The following THSD7A variants were observed in gnomAD, a reference collection of about 807,000 sequenced individuals.
THSD7A encodes the protein thrombospondin type 1 domain containing 7A, also known as thrombospondin type-1 domain-containing protein 7A.
Under a neutral mutation model 231.3 loss-of-function variants are expected in THSD7A, and 96 were observed. That is an observed-to-expected ratio of 0.41 (90% CI 0.35 to 0.49). THSD7A has a LOEUF of 0.49. THSD7A is among the 20% of genes least tolerant of loss of function. The probability of loss-of-function intolerance (pLI) is 0.05; values close to 1 mark genes in which losing one functional copy is unlikely to be tolerated. For missense variants in THSD7A, 2,290 were observed against 2,070.2 expected (o/e 1.11, Z -2.06); for synonymous variants, 940 against 743.3 (o/e 1.26, Z -4.30).
chr7:11,510,641 A>C (rs1206125877), intron 6 of THSD7A, among the ~76,000 whole-genome samples: 4 of 152,220 alleles, frequency 2.6e-5, no homozygotes, highest in Non-Finnish European at 5.9e-5. Context: ...AATAAATGTA[A>C]TCCATCATAT....
chr7:11,705,107 T>C (rs533807923), intron 1 of THSD7A, among the ~76,000 whole-genome samples: 28 of 151,174 alleles, frequency 1.9e-4, no homozygotes, highest in African/African-American at 6.8e-4. Context: ...AAAAGTGCTG[T>C]TGGATTATGG....
chr7:11,556,532 C>T (rs1789853798), intron 4 of THSD7A, among the ~76,000 whole-genome samples: 2 of 151,774 alleles, frequency 1.3e-5, no homozygotes, highest in Admixed American at 6.6e-5. Context: ...GAAGAAAAGC[C>T]TATTGTATTT....
intron 4 of THSD7A, among the ~76,000 whole-genome samples, chr7:11,570,212 T>C (rs1790563596): frequency 1.3e-5 from 2 of 151,330 alleles, no homozygotes. Flanking sequence ...AAAAAGAAAC[T>C]GGAGGTCATT....
intron 1 of THSD7A, among the ~76,000 whole-genome samples, chr7:11,812,350 A>G (rs1171108535): frequency 6.6e-6 from 1 of 152,202 alleles, no homozygotes; most frequent in African/African-American, 2.4e-5. Flanking sequence ...CTGAAACTGA[A>G]TATTTAGTTA....
chr7:11,613,101 G>GTGT (rs1780986842), intron 2 of THSD7A, among the ~76,000 whole-genome samples: 1 of 152,196 alleles, frequency 6.6e-6, no homozygotes, highest in South Asian at 2.1e-4. Context: ...AAATATTTGA[G>GTGT]TGTTAGAGGT....
chr7:11,434,660 C>A (rs1233357860), intron 13 of THSD7A, among the ~76,000 whole-genome samples: 2 of 151,960 alleles, frequency 1.3e-5, no homozygotes, highest in Non-Finnish European at 2.9e-5. Context: ...CTCAAAAAAT[C>A]TCTTCTACTT....
intron 6 of THSD7A, among the ~76,000 whole-genome samples, chr7:11,491,367 C>T (rs1786885345): frequency 6.6e-6 from 1 of 151,992 alleles, no homozygotes; most frequent in Non-Finnish European, 1.5e-5. Flanking sequence ...TCACAGTGAT[C>T]AGTAGGAGTA....
intron 13 of THSD7A, among the ~76,000 whole-genome samples, chr7:11,438,338 A>C (rs1288274398): frequency 6.6e-6 from 1 of 152,030 alleles, no homozygotes; most frequent in Non-Finnish European, 1.5e-5. Context: ...GTTTTTCCTC[A>C]TTTGTAATAT....
chr7:11,442,473 G>A (rs1257018393), intron 13 of THSD7A, among the ~76,000 whole-genome samples: 2 of 151,988 alleles, frequency 1.3e-5, no homozygotes, highest in Admixed American at 6.6e-5. Context: ...CTGCACACAC[G>A]GGGATCAATT....
chr7:11,425,195 T>G (rs1042400667), intron 15 of THSD7A, among the ~76,000 whole-genome samples: 1 of 152,188 alleles, frequency 6.6e-6, no homozygotes, highest in Non-Finnish European at 1.5e-5. Flanking sequence ...GCTCACATGT[T>G]AGGTACTCAA....
chr7:11,820,142 G>C (rs1238816395), intron 1 of THSD7A, among the ~76,000 whole-genome samples: 1 of 152,108 alleles, frequency 6.6e-6, no homozygotes, highest in African/African-American at 2.4e-5. Flanking sequence ...AGCCTCCTCT[G>C]TCCAGTGGAA....
chr7:11,723,181 A>G (rs1193433794), intron 1 of THSD7A, among the ~76,000 whole-genome samples: 1 of 151,982 alleles, frequency 6.6e-6, no homozygotes, highest in Non-Finnish European at 1.5e-5. Context: ...TTGTAGGGAC[A>G]TGGATGAAGC....
At chr7:11,678,821 A>T (rs1783750991) in intron 1 of THSD7A, among the ~76,000 whole-genome samples, 1 of 152,178 alleles carries the variant, frequency 6.6e-6, no homozygotes, top group Admixed American at 6.6e-5. Flanking sequence ...CAATAGTAAA[A>T]GAGGGACTCC....
intron 1 of THSD7A, among the ~76,000 whole-genome samples, chr7:11,749,783 T>TAATG (rs1487651685): frequency 1.3e-5 from 2 of 151,966 alleles, no homozygotes; most frequent in African/African-American, 4.8e-5. Context: ...TTTTGATGAG[T>TAATG]AATGAATGCC....
intron 2 of THSD7A, among the ~76,000 whole-genome samples, chr7:11,594,931 C>T (rs374705284): frequency 8.5e-5 from 13 of 152,272 alleles, no homozygotes; most frequent in East Asian, 1.9e-4. Context: ...GGAATGCAGA[C>T]GTGTGGGGGG....
intron 4 of THSD7A, among the ~76,000 whole-genome samples, chr7:11,549,886 G>C (rs1789553526): frequency 6.6e-6 from 1 of 151,936 alleles, no homozygotes; most frequent in Non-Finnish European, 1.5e-5. Context: ...CCTATGTAAT[G>C]AACCTGCACA....
chr7:11,420,152 G>T (rs933145375), intron 16 of THSD7A, among the ~76,000 whole-genome samples: 7 of 152,238 alleles, frequency 4.6e-5, no homozygotes, highest in African/African-American at 1.7e-4. Flanking sequence ...CAAGCCAGAT[G>T]CAGGAATTTG....
chr7:11,409,749 C>CT (rs979954715), intron 19 of THSD7A, among the ~76,000 whole-genome samples: 19 of 148,716 alleles, frequency 1.3e-4, no homozygotes, highest in Middle Eastern at 3.5e-3. Context: ...TACTGATGTT[C>CT]TTTTTTTTTT....
chr7:11,801,141 A>AT (rs201353228), intron 1 of THSD7A, among the ~76,000 whole-genome samples: 1,747 of 151,562 alleles, frequency 0.012, 31 homozygotes, highest in African/African-American at 0.039. Context: ...TTCAAAAAAA[A>AT]TTTTTTTTTA....
Sources: allele counts gnomAD v4.1 joint callset (sites outside exome capture counted in the v4.1 genomes callset), GRCh38; gene constraint gnomAD v4.1.1; transcripts MANE v1.5; gene names NCBI Gene and HGNC (gene_info 2026-07-23, HGNC 2026-07-21).